PREP: variants seen among roughly 807,000 people sequenced by gnomAD.
The protein encoded by PREP is dJ355L5.1 (prolyl endopeptidase).
In PREP, 29 loss-of-function variants were observed where a neutral mutation model predicts 87.6. The ratio of observed to expected loss-of-function variants is 0.33; its 90% CI spans 0.25 to 0.45. The LOEUF is 0.45. Ranked by LOEUF, PREP falls within the 20% of genes least tolerant of loss-of-function variation. The probability of loss-of-function intolerance (pLI) is 1.00; values close to 1 mark genes in which losing one functional copy is unlikely to be tolerated. For synonymous variants in PREP, 337 were observed against 328.6 expected, an observed-to-expected ratio of 1.03 and a Z score of -0.28; for missense variants, 695 against 886.5, an observed-to-expected ratio of 0.78 and a Z score of 2.74.
At chr6:105,387,665 G>T (rs548976483) in intron 2 of PREP, among the ~76,000 whole-genome samples, 1 of 151,184 alleles carries the variant, frequency 6.6e-6, no homozygotes, top group East Asian at 1.9e-4. Context: ...AAAAGAAAAA[G>T]TCGCAAAAAA....
At position 105,381,262 on chromosome 6, in the gene PREP, T is replaced by A. The variant is rs9391277; in HGVS notation, c.121-3743A>T. Among the ~76,000 whole-genome samples the A allele has an allele frequency of 1.6e-3, 249 of 152,318 alleles. 10 individuals are homozygous for A. In the East Asian group the frequency reaches 0.043, roughly 26 times the overall value. ...CACACATCTTTATAACTCGGGCAAA[T>A]CCTTTTCACGAAGGTGGTAGAAAAT... is the stretch of plus-strand genomic sequence containing the variant. On this transcript the variant is annotated intron_variant, in intron 2 of 14. Transcript: ENST00000652536.
At chr6:105,374,460 A>G (rs1583092957) in intron 4 of PREP, among the ~76,000 whole-genome samples, 1 of 152,006 alleles carries the variant, frequency 6.6e-6, no homozygotes, top group Middle Eastern at 3.4e-3. Flanking sequence ...CTATTCTTTT[A>G]CGTGGAATTT....
intron 8 of PREP, among the ~76,000 whole-genome samples, chr6:105,332,264 G>A (rs917301175): frequency 3.3e-5 from 5 of 152,044 alleles, no homozygotes; most frequent in African/African-American, 1.2e-4. Flanking sequence ...CTGTGACCCC[G>A]AGAGAAGCAG....
chr6:105,397,801 GTT>G, intron 2 of PREP, 50 bp downstream of exon 2: 1 of 1,361,876 alleles, frequency 7.3e-7, no homozygotes, highest in Non-Finnish European at 1.1e-6. Context: ...GACATTTAGA[GTT>G]TGGTGCTAGC....
chr6:105,337,328 G>C (rs912676226), intron 7 of PREP, among the ~76,000 whole-genome samples: 3 of 152,156 alleles, frequency 2.0e-5, no homozygotes, highest in African/African-American at 4.8e-5. Context: ...TGCCTCTTGG[G>C]ATGCAACCAA....
At chr6:105,358,574 C>T (rs1355206554) in intron 6 of PREP, among the ~76,000 whole-genome samples, 4 of 152,006 alleles carry the variant, frequency 2.6e-5, no homozygotes, top group Admixed American at 6.6e-5. Context: ...GCAGACAAAA[C>T]CTGGGAGGTT....
rs190620189 is a variant in PREP at position 105,322,992 on chromosome 6, G to A, written c.1317+673C>T. The A allele has an allele frequency of 7.6e-5, 99 of 1,302,450 alleles. No individual in the cohort carries two copies. The East Asian group carries it at 4.4e-3, about 58-fold the overall frequency. The allele number at this position is 1,302,450 out of a possible 1,614,324, so 80.7% of individuals were successfully genotyped here. On this transcript the variant is annotated intron_variant, in intron 10 of 14. Coordinates refer to ENST00000652536, the MANE Select transcript of PREP (RefSeq NM_002726.5). ...TGGTCCAGCCCTCCAGGTGGGAGGGGCCTTGATAAACACCTGGTGCCCTAT... is the reference window on the plus strand; with the variant it reads ...TGGTCCAGCCCTCCAGGTGGGAGGGACCTTGATAAACACCTGGTGCCCTAT...
At chr6:105,343,197 G>C (rs571151444) in intron 7 of PREP, among the ~76,000 whole-genome samples, 4 of 152,296 alleles carry the variant, frequency 2.6e-5, no homozygotes, top group African/African-American at 9.6e-5. Flanking sequence ...CAATGGAACA[G>C]AACAGAGCCC....
chr6:105,354,044 A>G (rs972170194), intron 6 of PREP, among the ~76,000 whole-genome samples: 4 of 152,236 alleles, frequency 2.6e-5, no homozygotes, highest in Non-Finnish European at 5.9e-5. Flanking sequence ...AAAATGTGGT[A>G]TCAAACTATA....
At position 105,273,288 on chromosome 6, in the gene PREP, T is replaced by C. The variant is rs1249903668; in HGVS notation, c.*4856A>G. On this transcript the variant is annotated 3_prime_UTR_variant, in exon 15 of 15. Coordinates refer to ENST00000652536, the MANE Select transcript of PREP (RefSeq NM_002726.5). ...ACATTATGATTTACAAACCATAAAA[T>C]TCATACATTTCAAGTGTACAATTCA... 1.3e-5 allele frequency: 2 copies of C among 152,216 alleles called. No individual in the cohort carries two copies. The highest frequency in any genetic ancestry group is 3.9e-4 in the East Asian group (2 of 5,192). The allele number at this position is 152,216 out of a possible 1,614,324, so 9.4% of individuals were successfully genotyped here. A position where few individuals can be genotyped will look rare whatever the true frequency, so the allele number is the denominator to read the frequency against.
Position 105,352,958 on chromosome 6 carries a change from A to C in PREP, c.823+14T>G. ...TTCTTGGAATAACTATCTGTGTCTG[A>C]AAAAATAACTCACCCGCGATGCCAC... On this transcript the variant is annotated intron_variant, in intron 7 of 14. Transcript: ENST00000652536. 1 of 1,597,922 alleles carries C rather than the reference A, an allele frequency of 6.3e-7. No homozygotes were observed. Among genetic ancestry groups the C allele is most frequent in the Non-Finnish European group, 8.6e-7 (1 of 1,166,138 alleles).
At chr6:105,322,694 CAGG>C in intron 10 of PREP, 1 of 996,812 alleles carries the variant, frequency 1.0e-6, no homozygotes, top group Middle Eastern at 5.1e-4. Context: ...TCCAATAAAA[CAGG>C]AGGCCAGTTT....
At chr6:105,402,767 G>A in intron 1 of PREP, 80 bp downstream of exon 1, 1 of 1,344,476 alleles carries the variant, frequency 7.4e-7, no homozygotes, top group Non-Finnish European at 1.0e-6. Flanking sequence ...CCTACAGGAA[G>A]AGGAGCTGCG....
intron 11 of PREP, among the ~76,000 whole-genome samples, chr6:105,286,244 T>G (rs191799580): frequency 6.6e-6 from 1 of 152,342 alleles, no homozygotes; most frequent in Admixed American, 6.5e-5. Flanking sequence ...CCTTTTATCA[T>G]TTTTTGAGTA....
In PREP at chr6:105,276,707, A is replaced by G. The variant is rs1470944522; in HGVS notation, c.*1437T>C. The stretch of plus-strand genomic sequence containing the variant: ...ATGTACCGTACTAAATAGTAACGGA[A>G]AACATGATTCCAGTAGAGAAAAACC... On this transcript the variant is annotated 3_prime_UTR_variant, in exon 15 of 15. Transcript: ENST00000652536. Among the ~76,000 whole-genome samples, 2 of 152,246 alleles carry G rather than the reference A, an allele frequency of 1.3e-5. No individual in the cohort carries two copies. The highest frequency in any genetic ancestry group is 2.9e-5 in the Non-Finnish European group (2 of 68,036).
At chr6:105,321,326 C>T (rs1190063) in intron 10 of PREP, among the ~76,000 whole-genome samples, 55,510 of 152,074 alleles carry the variant, frequency 0.37, 14,319 homozygotes, top group African/African-American at 0.74. Flanking sequence ...AAATAAAAAA[C>T]TGTAAGTATT....
intron 10 of PREP, among the ~76,000 whole-genome samples, chr6:105,297,464 T>C (rs891300443): frequency 6.6e-6 from 1 of 152,246 alleles, no homozygotes. Flanking sequence ...CTTTACTTGG[T>C]AGTTTATTGC....
At chr6:105,391,932 G>T (rs1390256336) in intron 2 of PREP, among the ~76,000 whole-genome samples, 1 of 152,120 alleles carries the variant, frequency 6.6e-6, no homozygotes. Context: ...AACAGGGTAC[G>T]GCAAGACTGC....
chr6:105,383,576 G>A (rs554459217), intron 2 of PREP, among the ~76,000 whole-genome samples: 3 of 152,254 alleles, frequency 2.0e-5, no homozygotes, highest in South Asian at 2.1e-4. Flanking sequence ...CTGCTCTTGG[G>A]TGAAAAGGGC....
Sources: gnomAD v4.1 joint callset for allele counts (sites outside exome capture counted in the v4.1 genomes callset) on GRCh38, gnomAD v4.1.1 for gene constraint, MANE v1.5 for transcripts, NCBI Gene and HGNC (gene_info 2026-07-23, HGNC 2026-07-21) for gene names.